Variants in CEP68 observed in about 807,000 individuals in gnomAD.
CEP68 encodes the protein centrosomal protein of 68 kDa.
A neutral mutation model predicts 55.3 loss-of-function variants in CEP68; 26 were observed. That is an observed-to-expected ratio of 0.47 (90% CI 0.34 to 0.65). The LOEUF (loss-of-function observed/expected upper bound fraction) is 0.65. Among genes scored for constraint, CEP68 ranks in the 30% least tolerant of loss-of-function variants. The probability of loss-of-function intolerance (pLI) is 0.01; values close to 1 mark genes in which losing one functional copy is unlikely to be tolerated. For missense variants in CEP68, 957 were observed against 946.7 expected, an observed-to-expected ratio of 1.01 and a Z score of -0.14; for synonymous variants, 402 against 383.2, an observed-to-expected ratio of 1.05 and a Z score of -0.57.
At chr2:65,066,775 C>A (rs868395035) in intron 1 of CEP68, among the ~76,000 whole-genome samples, 394 of 109,560 alleles carry the variant, frequency 3.6e-3, no homozygotes, top group Middle Eastern at 0.032. Context: ...TATACACACA[C>A]AAAAAAAAAT....
chr2:65,057,222 G>T (rs1437513443), intron 1 of CEP68, among the ~76,000 whole-genome samples: 1 of 152,240 alleles, frequency 6.6e-6, no homozygotes, highest in Non-Finnish European at 1.5e-5. Context: ...TGCCAGGGCA[G>T]ATTGGACCTC....
At chr2:65,071,184 G>C (rs545149210) in intron 2 of CEP68, 38 of 486,374 alleles carry the variant, frequency 7.8e-5, no homozygotes, top group African/African-American at 6.8e-4. Context: ...TCTGAGTTCT[G>C]CTTGCTCACA....
In CEP68 at chr2:65,071,839, G is replaced by A; in HGVS notation, c.743G>A (p.Trp248Ter). Residue 248 changes from tryptophan (W) to a stop codon, truncating the protein, a stop_gained, in exon 3 of 7, where the codon TGG becomes TAG. Coordinates refer to ENST00000377990, the MANE Select transcript of CEP68 (RefSeq NM_015147.3). LOFTEE classifies it high-confidence loss of function. ...GTGGGGCTAGGACCTCGGCCCCAGT[G>A]GTCACCACAGCCTGTGTTCTCTGGG... ...SVVGLGPRPQ[W>*]SPQPVFSGGD... 1 of 1,603,480 alleles carries A rather than the reference G, an allele frequency of 6.2e-7. No individual in the cohort carries two copies.
At position 65,084,981 on chromosome 2, in the gene CEP68, C is replaced by T. The variant is rs570007445; in HGVS notation, c.*1347C>T. 2 of 152,272 alleles carry T rather than the reference C, an allele frequency of 1.3e-5. No homozygotes were observed. Among genetic ancestry groups the T allele is most frequent in the South Asian group, 4.1e-4 (2 of 4,832 alleles). 9.4% of individuals were successfully genotyped at this position (152,272 alleles called of 1,614,324 possible). ...CTAGCAAATAATTGTCAATTATAAA[C>T]CTGTATGTAAAACATTCTTGAAAAC... On this transcript the variant is annotated 3_prime_UTR_variant, in exon 7 of 7. Coordinates refer to ENST00000377990, the MANE Select transcript of CEP68 (RefSeq NM_015147.3).
intron 1 of CEP68, among the ~76,000 whole-genome samples, chr2:65,064,803 C>T (rs1177898098): frequency 6.6e-6 from 1 of 151,964 alleles, no homozygotes; most frequent in East Asian, 1.9e-4. Context: ...CCAGCCTTCA[C>T]CCTGGTTTTT....
chr2:65,077,743 C>A, intron 4 of CEP68, 125 bp from the exon 5 acceptor site: 2 of 616,256 alleles, frequency 3.2e-6, no homozygotes, highest in Non-Finnish European at 5.6e-6. Flanking sequence ...TTCTGCAGAC[C>A]TGATGGGGTG....
intron 1 of CEP68, among the ~76,000 whole-genome samples, chr2:65,058,497 C>CTT (rs34477880): frequency 0.13 from 9,683 of 75,622 alleles, 1,792 homozygotes; most frequent in East Asian, 0.33. Flanking sequence ...GATTTTTTTC[C>CTT]TTTTTTTTTT....
intron 4 of CEP68, among the ~76,000 whole-genome samples, chr2:65,075,945 G>T (rs1325657485): frequency 1.3e-5 from 2 of 152,050 alleles, no homozygotes; most frequent in Non-Finnish European, 2.9e-5. Context: ...TTTCCAACTT[G>T]GGGCCAACTA....
rs541297310 is a variant in CEP68 at position 65,072,902 on chromosome 2, C to T, written c.1806C>T (p.Phe602=). The stretch of plus-strand genomic sequence containing the variant: ...CAGCTAGGTTGGACCGGTGGCCATT[C>T]TCAGACCCAGATGTTGAAGGGCAGC... ...SLPARLDRWP[F]SDPDVEGQLP... is the part of the protein sequence containing the mutation. The change falls in exon 3 of 7, where the codon TTC becomes TTT. Residue 602 remains phenylalanine, a synonymous_variant. Transcript: ENST00000377990. 6.2e-7 allele frequency: 1 copy of T among 1,614,064 alleles called. No individual in the cohort carries two copies. Among genetic ancestry groups the T allele is most frequent in the East Asian group, 2.2e-5 (1 of 44,896 alleles).
intron 1 of CEP68, among the ~76,000 whole-genome samples, chr2:65,068,299 G>T (rs572295859): frequency 6.6e-6 from 1 of 152,232 alleles, no homozygotes; most frequent in African/African-American, 2.4e-5. Context: ...TCCCTCTGTT[G>T]TTCCTGAACC....
Position 65,069,456 on chromosome 2 carries a change from TGAA to T in CEP68, c.16_18del (p.Glu6del), listed in dbSNP as rs1676350010. 6.6e-7 allele frequency: 1 copy of T among 1,511,448 alleles called. No individual in the cohort carries two copies. Among genetic ancestry groups the T allele is most frequent in the Non-Finnish European group, 8.9e-7 (1 of 1,128,880 alleles). 93.6% of individuals were successfully genotyped at this position (1,511,448 alleles called of 1,614,324 possible). ...GGTAGGGAGTCTCAATGGCCCTGGGTGAAGAAAAGGCAGAAGCGGAAGCATCTG... is the reference window on the plus strand; with the variant it reads ...GGTAGGGAGTCTCAATGGCCCTGGGTGAAAAGGCAGAAGCGGAAGCATCTG... On this transcript the variant is annotated inframe_deletion, in exon 2 of 7. Transcript: ENST00000377990.
chr2:65,059,966 G>C (rs1483622135), intron 1 of CEP68, among the ~76,000 whole-genome samples: 2 of 152,008 alleles, frequency 1.3e-5, no homozygotes, highest in African/African-American at 4.8e-5. Flanking sequence ...AAAATCTTGG[G>C]TTTAGGAGCT....
Position 65,072,682 on chromosome 2 carries a change from C to T in CEP68, c.1586C>T (p.Ser529Phe). 5 of 1,614,186 alleles carry T rather than the reference C, an allele frequency of 3.1e-6. No individual in the cohort carries two copies. In the South Asian group the frequency reaches 4.4e-5, roughly 14 times the overall value. ...LEVSDSDGPA[S>F]FPSSSSQSQL... ...GTGTCAGACAGTGATGGGCCAGCTT[C>T]CTTCCCTTCAAGCTCCAGCCAAAGC... Residue 529 changes from serine (S) to phenylalanine (F), a missense_variant, in exon 3 of 7, where the codon TCC becomes TTC. Ser to Phe is a radical substitution (Grantham distance 155). Coordinates refer to ENST00000377990, the MANE Select transcript of CEP68 (RefSeq NM_015147.3).
At chr2:65,064,997 C>T (rs1402235850) in intron 1 of CEP68, among the ~76,000 whole-genome samples, 5 of 152,182 alleles carry the variant, frequency 3.3e-5, no homozygotes, top group Non-Finnish European at 7.4e-5. Flanking sequence ...TGCTTTGTGG[C>T]TTAACTGTTT....
intron 4 of CEP68, among the ~76,000 whole-genome samples, chr2:65,077,172 A>G (rs1558567161): frequency 6.6e-6 from 1 of 151,520 alleles, no homozygotes; most frequent in Non-Finnish European, 1.5e-5. Context: ...ATTTTTTTGT[A>G]TTTTTAGTAG....
At chr2:65,063,059 G>A (rs1297103306) in intron 1 of CEP68, among the ~76,000 whole-genome samples, 1 of 152,198 alleles carries the variant, frequency 6.6e-6, no homozygotes, top group Non-Finnish European at 1.5e-5. Context: ...ATACGAAGAA[G>A]GGTCAGATGT....
At position 65,086,845 on chromosome 2, in the gene CEP68, C is replaced by T. The variant is rs978017755; in HGVS notation, c.*3211C>T. Reference sequence around the variant, plus strand: ...TGAGGATGAATAGATCCACCAAGCACGCCTATAATACAAAGTAAACTATGA... The same window carrying T: ...TGAGGATGAATAGATCCACCAAGCATGCCTATAATACAAAGTAAACTATGA... On this transcript the variant is annotated 3_prime_UTR_variant, in exon 7 of 7. Transcript: ENST00000377990. 39 of 152,562 alleles carry T rather than the reference C, an allele frequency of 2.6e-4. No homozygotes were observed. The highest frequency in any genetic ancestry group is 8.7e-4 in the African/African-American group (36 of 41,418). 9.5% of individuals were successfully genotyped at this position (152,562 alleles called of 1,614,324 possible).
chr2:65,069,399 G>T lies in CEP68; in HGVS notation c.-46G>T. 7.3e-7 allele frequency: 1 copy of T among 1,377,202 alleles called. No homozygotes were observed. Among genetic ancestry groups the T allele is most frequent in the East Asian group, 2.3e-5 (1 of 43,038 alleles). The allele number at this position is 1,377,202 out of a possible 1,614,324, so 85.3% of individuals were successfully genotyped here. A position where few individuals can be genotyped will look rare whatever the true frequency, so the allele number is the denominator to read the frequency against. On this transcript the variant is annotated splice_region_variant and 5_prime_UTR_variant, in exon 2 of 7. Coordinates refer to ENST00000377990, the MANE Select transcript of CEP68 (RefSeq NM_015147.3). ...TTCTCTCCCTTCCCCTGTTTTGTAGGAAGCTGAAGTCTTCAGCAGAACCCT... is the reference window on the plus strand; with the variant it reads ...TTCTCTCCCTTCCCCTGTTTTGTAGTAAGCTGAAGTCTTCAGCAGAACCCT...
At chr2:65,064,650 C>T (rs1159909354) in intron 1 of CEP68, among the ~76,000 whole-genome samples, 4 of 150,340 alleles carry the variant, frequency 2.7e-5, no homozygotes, top group African/African-American at 7.4e-5. Flanking sequence ...AGGAGAATGG[C>T]GTGAACCCGG....
Sources: gnomAD v4.1 joint callset for allele counts (sites outside exome capture counted in the v4.1 genomes callset) on GRCh38, gnomAD v4.1.1 for gene constraint, MANE v1.5 for transcripts, NCBI Gene and HGNC (gene_info 2026-07-23, HGNC 2026-07-21) for gene names.